Variants in LRRC4C observed in about 807,000 individuals in gnomAD.
LRRC4C encodes the protein leucine-rich repeat-containing protein 4C.
A neutral mutation model predicts 33.6 loss-of-function variants in LRRC4C; 5 were observed. The observed-to-expected ratio is 0.15, with a 90% CI of 0.08 to 0.31. The LOEUF is 0.31. Ranked by LOEUF, LRRC4C falls within the 10% of genes least tolerant of loss-of-function variation. LRRC4C has a pLI of 1.00. For missense variants in LRRC4C, 560 were observed against 796.7 expected (o/e 0.70, Z 3.58); for synonymous variants, 329 against 302.0 (o/e 1.09, Z -0.93).
chr11:40,650,984 G>C (rs1246502780), intron 2 of LRRC4C, among the ~76,000 whole-genome samples: 1 of 152,052 alleles, frequency 6.6e-6, no homozygotes, highest in African/African-American at 2.4e-5. Context: ...ACAAATACTT[G>C]TAAAATGTAC....
intron 1 of LRRC4C, among the ~76,000 whole-genome samples, chr11:41,369,513 A>G (rs1952665886): frequency 6.6e-6 from 1 of 151,944 alleles, no homozygotes; most frequent in Non-Finnish European, 1.5e-5. Context: ...TACATAACAA[A>G]CCTGCACATG....
chr11:40,689,335 G>A (rs894306690), intron 2 of LRRC4C, among the ~76,000 whole-genome samples: 1 of 151,634 alleles, frequency 6.6e-6, no homozygotes, highest in South Asian at 2.1e-4. Flanking sequence ...GCATTACTCT[G>A]AGCCTCTTTC....
At chr11:40,438,438 C>T (rs1992316) in intron 3 of LRRC4C, among the ~76,000 whole-genome samples, 56,909 of 152,038 alleles carry the variant, frequency 0.37, 11,358 homozygotes, top group East Asian at 0.53. Context: ...TAAATTTACT[C>T]GTATGTTCTA....
At chr11:41,359,822 A>G (rs1952287159) in intron 1 of LRRC4C, among the ~76,000 whole-genome samples, 1 of 152,288 alleles carries the variant, frequency 6.6e-6, no homozygotes, top group South Asian at 2.1e-4. Context: ...TGCGTGCTTA[A>G]CCACTTAACA....
intron 4 of LRRC4C, among the ~76,000 whole-genome samples, chr11:40,256,496 C>A (rs1867213532): frequency 6.6e-6 from 1 of 152,086 alleles, no homozygotes; most frequent in Admixed American, 6.6e-5. Context: ...AACCTTAACA[C>A]ATCCAGTATG....
chr11:40,548,501 CA>C (rs1957012468), intron 3 of LRRC4C, among the ~76,000 whole-genome samples: 1 of 152,020 alleles, frequency 6.6e-6, no homozygotes, highest in Non-Finnish European at 1.5e-5. Flanking sequence ...TAGAAGGAAA[CA>C]ACCATGGTGA....
intron 1 of LRRC4C, among the ~76,000 whole-genome samples, chr11:41,385,429 A>T (rs945075564): frequency 3.3e-5 from 5 of 151,584 alleles, no homozygotes; most frequent in African/African-American, 1.2e-4. Flanking sequence ...GAGTATAAAG[A>T]TTGCTATCTA....
At position 40,323,171 on chromosome 11, in the gene LRRC4C, CT is replaced by C. The variant is rs142823095; in HGVS notation, c.-269-3451del. 9.3e-3 allele frequency among the ~76,000 whole-genome samples: 1,413 copies of C among 152,266 alleles called. 18 individuals carry two copies. The highest frequency in any genetic ancestry group is 0.032 in the African/African-American group (1,324 of 41,566). On this transcript the variant is annotated intron_variant, in intron 3 of 6. Coordinates refer to ENST00000528697, the MANE Select transcript of LRRC4C (RefSeq NM_001258419.2). Reference sequence around the variant, plus strand: ...CAGAAGTTCTCATAGCTTCTCATAGCTAAACGTTGTAACTAAAACAAATGAT... The same window carrying C: ...CAGAAGTTCTCATAGCTTCTCATAGCAAACGTTGTAACTAAAACAAATGAT...
intron 4 of LRRC4C, among the ~76,000 whole-genome samples, chr11:40,285,318 A>G (rs939139419): frequency 2.0e-5 from 3 of 152,158 alleles, no homozygotes; most frequent in African/African-American, 7.2e-5. Flanking sequence ...CAATAAAGTG[A>G]TCAATGAGGA....
intron 5 of LRRC4C, among the ~76,000 whole-genome samples, chr11:40,145,698 C>A (rs373634516): frequency 6.6e-5 from 10 of 152,170 alleles, no homozygotes; most frequent in African/African-American, 2.4e-4. Flanking sequence ...TCTAATATAG[C>A]AGTTTAAATA....
chr11:41,182,488 T>C (rs1211354610), intron 1 of LRRC4C, among the ~76,000 whole-genome samples: 2 of 152,192 alleles, frequency 1.3e-5, no homozygotes, highest in Admixed American at 6.5e-5. Context: ...GTCAAGTCCA[T>C]AGGTATACAA....
At chr11:40,981,545 C>T (rs560621448) in intron 1 of LRRC4C, among the ~76,000 whole-genome samples, 21 of 152,304 alleles carry the variant, frequency 1.4e-4, no homozygotes, top group African/African-American at 5.1e-4. Flanking sequence ...AACTCTCTGA[C>T]TCAAACTGGG....
intron 2 of LRRC4C, among the ~76,000 whole-genome samples, chr11:40,760,334 A>G (rs1414362384): frequency 6.6e-6 from 1 of 151,948 alleles, no homozygotes; most frequent in East Asian, 1.9e-4. Flanking sequence ...CTTCGTGCCG[A>G]AAAAGGGAGA....
intron 3 of LRRC4C, among the ~76,000 whole-genome samples, chr11:40,572,117 C>T (rs967409218): frequency 6.6e-6 from 1 of 152,118 alleles, no homozygotes; most frequent in Non-Finnish European, 1.5e-5. Flanking sequence ...ATTAATTGTT[C>T]AACATAAAGC....
chr11:41,343,768 G>C (rs1375110117), intron 1 of LRRC4C, among the ~76,000 whole-genome samples: 1 of 152,092 alleles, frequency 6.6e-6, no homozygotes, highest in Non-Finnish European at 1.5e-5. Flanking sequence ...GTGTTTTTAT[G>C]ATATGGAATG....
chr11:40,633,733 G>C (rs1963717114), intron 3 of LRRC4C, among the ~76,000 whole-genome samples: 1 of 151,902 alleles, frequency 6.6e-6, no homozygotes, highest in East Asian at 1.9e-4. Flanking sequence ...CTACAAAATG[G>C]GAATGAGAAT....
At position 41,416,250 on chromosome 11, in the gene LRRC4C, C is replaced by A. The variant is rs929622803; in HGVS notation, c.-496+43181G>T. Among the ~76,000 whole-genome samples, 15 of 152,026 alleles carry A rather than the reference C, an allele frequency of 9.9e-5. 1 individual carries two copies. The highest frequency in any genetic ancestry group is 3.6e-4 in the African/African-American group (15 of 41,416). ...ATCCACCCCTACTCACACTTCCCAC[C>A]GTTTTACATGGGAGCTAGGCTATTT... On this transcript the variant is annotated intron_variant, in intron 1 of 6. Transcript: ENST00000528697.
chr11:41,046,002 G>C (rs1857750762), intron 1 of LRRC4C, among the ~76,000 whole-genome samples: 1 of 152,028 alleles, frequency 6.6e-6, no homozygotes, highest in Non-Finnish European at 1.5e-5. Flanking sequence ...AAAAAGAACA[G>C]AGAACTAACC....
intron 1 of LRRC4C, among the ~76,000 whole-genome samples, chr11:41,352,540 G>C (rs933519717): frequency 6.6e-6 from 1 of 151,986 alleles, no homozygotes; most frequent in African/African-American, 2.4e-5. Flanking sequence ...TACATATACA[G>C]AACAGTCAAC....
Sources: gnomAD v4.1 joint callset for allele counts (sites outside exome capture counted in the v4.1 genomes callset) on GRCh38, gnomAD v4.1.1 for gene constraint, MANE v1.5 for transcripts, NCBI Gene and HGNC (gene_info 2026-07-23, HGNC 2026-07-21) for gene names.